VPS26C: variants seen among roughly 807,000 people sequenced by gnomAD.
VPS26C encodes the protein VPS26 endosomal protein sorting factor C.
A neutral mutation model predicts 30.6 loss-of-function variants in VPS26C; 19 were observed. That is an observed-to-expected ratio of 0.62 (90% CI 0.43 to 0.91). The LOEUF is 0.91. Among genes scored for constraint, VPS26C ranks in the 40% least tolerant of loss-of-function variants. The pLI, the probability that VPS26C is intolerant of heterozygous loss-of-function variation, is 0.00. For missense variants in VPS26C, 318 were observed against 385.1 expected (o/e 0.83, Z 1.46); for synonymous variants, 132 against 151.5 (o/e 0.87, Z 0.95).
rs987298561 is a variant in VPS26C at position 37,257,403 on chromosome 21, G to T, written c.57+9835C>A. 6.6e-6 allele frequency among the ~76,000 whole-genome samples: 1 copy of T among 152,232 alleles called. No individual in the cohort carries two copies. The highest frequency in any genetic ancestry group is 1.5e-5 in the Non-Finnish European group (1 of 68,046). On this transcript the variant is annotated intron_variant, in intron 1 of 7. Transcript: ENST00000309117. This position sits in a 1 kb window ranked among gnomAD's most constrained non-coding sequence, Gnocchi z 4.2. ...CACGCTCTTCCGAAGCGTCTGGCCTGTGTGCTCTCGGGGAGGGGACGCAGG... is the reference window on the plus strand; with the variant it reads ...CACGCTCTTCCGAAGCGTCTGGCCTTTGTGCTCTCGGGGAGGGGACGCAGG...
intron 1 of VPS26C, among the ~76,000 whole-genome samples, chr21:37,256,922 G>A (rs2086249088): frequency 6.6e-6 from 1 of 152,178 alleles, no homozygotes; most frequent in Non-Finnish European, 1.5e-5. Context: ...GATCGCTTGA[G>A]CCCAGGGGTT....
intron 1 of VPS26C, chr21:37,261,016 A>G (rs1449055295): frequency 6.6e-6 from 1 of 152,206 alleles, no homozygotes; most frequent in Non-Finnish European, 1.5e-5. Flanking sequence ...GCTTCAACTC[A>G]TCATTTAATA....
At chr21:37,255,963 G>C (rs867399280) in intron 1 of VPS26C, among the ~76,000 whole-genome samples, 3 of 147,512 alleles carry the variant, frequency 2.0e-5, no homozygotes, top group Non-Finnish European at 4.4e-5. Flanking sequence ...AGCCTCCTGA[G>C]TAGCTGGGAT....
At position 37,233,725 on chromosome 21, in the gene VPS26C, C is replaced by G; in HGVS notation, c.352-283G>C. On this transcript the variant is annotated intron_variant, in intron 3 of 7. Transcript: ENST00000309117. This position sits in a 1 kb window ranked among gnomAD's most constrained non-coding sequence, Gnocchi z 5.2. ...ACTGGCAAACAGGTGCACGGTCCCACCTGTAGCAGGGAGCAGGCTGGCGAG... is the reference window on the plus strand; with the variant it reads ...ACTGGCAAACAGGTGCACGGTCCCAGCTGTAGCAGGGAGCAGGCTGGCGAG... 6.6e-6 allele frequency among the ~76,000 whole-genome samples: 1 copy of G among 152,216 alleles called. No individual in the cohort carries two copies. Among genetic ancestry groups the G allele is most frequent in the East Asian group, 1.9e-4 (1 of 5,200 alleles).
At chr21:37,258,428 G>A (rs1223160595) in intron 1 of VPS26C, among the ~76,000 whole-genome samples, 1 of 152,182 alleles carries the variant, frequency 6.6e-6, no homozygotes, top group African/African-American at 2.4e-5. Context: ...CGCATGCGCC[G>A]GGCATTCCCA....
intron 6 of VPS26C, 27 bp from the exon 7 acceptor site, chr21:37,227,833 G>T (rs1374899398): frequency 1.3e-6 from 2 of 1,561,210 alleles, no homozygotes; most frequent in Admixed American, 3.7e-5. Context: ...ACATCACGCG[G>T]TCAGGGCCAG....
intron 1 of VPS26C, among the ~76,000 whole-genome samples, chr21:37,243,998 C>G (rs1478438533): frequency 6.6e-6 from 1 of 152,138 alleles, no homozygotes; most frequent in Non-Finnish European, 1.5e-5. Context: ...TTTAGATGGA[C>G]AGAGGCCATG....
intron 1 of VPS26C, among the ~76,000 whole-genome samples, chr21:37,247,937 G>A (rs7283858): frequency 0.022 from 3,358 of 152,208 alleles, 60 homozygotes; most frequent in Non-Finnish European, 0.036. Flanking sequence ...TTGGGAGGCC[G>A]AGGCAGGAGG....
At position 37,233,545 on chromosome 21, in the gene VPS26C, T is replaced by A; in HGVS notation, c.352-103A>T. ...AGTCAGTCAACATATTTTAGGGAAA[T>A]GTTGTACAATCAGTGCATTATAGAA... On this transcript the variant is annotated intron_variant, in intron 3 of 7. Coordinates refer to ENST00000309117, the MANE Select transcript of VPS26C (RefSeq NM_006052.2). The surrounding 1 kb of genome is among the most constrained non-coding windows in gnomAD (Gnocchi z 5.2). 1.2e-6 allele frequency: 1 copy of A among 805,766 alleles called. No homozygotes were observed. The highest frequency in any genetic ancestry group is 2.2e-6 in the Non-Finnish European group (1 of 464,646). 49.9% of individuals were successfully genotyped at this position (805,766 alleles called of 1,614,324 possible). A position where few individuals can be genotyped will look rare whatever the true frequency, so the allele number is the denominator to read the frequency against.
At chr21:37,256,189 G>C (rs2086241630) in intron 1 of VPS26C, among the ~76,000 whole-genome samples, 1 of 152,156 alleles carries the variant, frequency 6.6e-6, no homozygotes, top group South Asian at 2.1e-4. Flanking sequence ...TTTGACACAG[G>C]ACCAAATTAA....
At chr21:37,251,483 A>T (rs966625754) in intron 1 of VPS26C, among the ~76,000 whole-genome samples, 19 of 152,226 alleles carry the variant, frequency 1.2e-4, no homozygotes, top group Non-Finnish European at 1.8e-4. Context: ...ACTTTTTTTT[A>T]AAATTTAAGC....
chr21:37,227,459 G>A (rs2073355), intron 7 of VPS26C, 195 bp downstream of exon 7: 169,943 of 617,342 alleles, frequency 0.28, 24,550 homozygotes, highest in Admixed American at 0.32. Context: ...TCCCCTGTGC[G>A]GCACAGCAGC....
At chr21:37,249,323 A>ATC (rs2086168814) in intron 1 of VPS26C, among the ~76,000 whole-genome samples, 1 of 152,232 alleles carries the variant, frequency 6.6e-6, no homozygotes, top group African/African-American at 2.4e-5. Flanking sequence ...ATCCACTGAA[A>ATC]AACTACTATC....
At chr21:37,254,988 T>G (rs899140982) in intron 1 of VPS26C, among the ~76,000 whole-genome samples, 1 of 152,120 alleles carries the variant, frequency 6.6e-6, no homozygotes, top group African/African-American at 2.4e-5. Context: ...GAGAATGTCA[T>G]GTGGTTAATT....
intron 1 of VPS26C, among the ~76,000 whole-genome samples, chr21:37,252,533 GAAAC>G (rs749968591): frequency 5.7e-4 from 87 of 152,218 alleles, no homozygotes; most frequent in African/African-American, 1.6e-3. Context: ...TCCTGGTACA[GAAAC>G]AAACAAACAA....
intron 1 of VPS26C, among the ~76,000 whole-genome samples, chr21:37,260,368 T>C (rs1204651655): frequency 2.0e-5 from 3 of 152,138 alleles, no homozygotes; most frequent in Non-Finnish European, 4.4e-5. Flanking sequence ...ATATCACCCA[T>C]GGGTCTTTGG....
intron 1 of VPS26C, among the ~76,000 whole-genome samples, chr21:37,252,079 T>C (rs189400367): frequency 6.6e-6 from 1 of 152,334 alleles, no homozygotes; most frequent in East Asian, 1.9e-4. Flanking sequence ...TCCCATTTGG[T>C]CTAAAGATCC....
intron 1 of VPS26C, among the ~76,000 whole-genome samples, chr21:37,251,504 A>G (rs2086193445): frequency 6.6e-6 from 1 of 152,100 alleles, no homozygotes; most frequent in African/African-American, 2.4e-5. Context: ...TGTATATTGC[A>G]CCATTTGTGA....
At chr21:37,255,733 G>A (rs973654401) in intron 1 of VPS26C, among the ~76,000 whole-genome samples, 3 of 152,152 alleles carry the variant, frequency 2.0e-5, no homozygotes, top group African/African-American at 4.8e-5. Flanking sequence ...AATTCTCCAG[G>A]AGGAAAATGG....
Sources: gnomAD v4.1 joint callset for allele counts (sites outside exome capture counted in the v4.1 genomes callset) on GRCh38, gnomAD v4.1.1 for gene constraint, Gnocchi (gnomAD v3.1) non-coding constraint, MANE v1.5 for transcripts, NCBI Gene and HGNC (gene_info 2026-07-23, HGNC 2026-07-21) for gene names.